VNN1: variants seen among roughly 807,000 people sequenced by gnomAD.
The protein encoded by VNN1 is pantetheinase.
Under a neutral mutation model 41.9 loss-of-function variants are expected in VNN1, and 29 were observed. That is an observed-to-expected ratio of 0.69 (90% CI 0.52 to 0.94). The LOEUF (loss-of-function observed/expected upper bound fraction) is 0.94. Among genes scored for constraint, VNN1 ranks in the 40% least tolerant of loss-of-function variants. The pLI, the probability that VNN1 is intolerant of heterozygous loss-of-function variation, is 0.00. For synonymous variants in VNN1, 233 were observed against 224.4 expected (o/e 1.04, Z -0.34); for missense variants, 637 against 621.1 (o/e 1.03, Z -0.27).
chr6:132,703,538 A>C (rs528068248), intron 2 of VNN1, among the ~76,000 whole-genome samples: 5 of 152,178 alleles, frequency 3.3e-5, no homozygotes, highest in East Asian at 1.9e-4. Flanking sequence ...CATAACATCA[A>C]ATCAAAAAAC....
chr6:132,700,483 G>T (rs1778435792), intron 2 of VNN1, among the ~76,000 whole-genome samples: 1 of 152,086 alleles, frequency 6.6e-6, no homozygotes, highest in Non-Finnish European at 1.5e-5. Flanking sequence ...AGAAACTGCT[G>T]GGCCACCCAC....
intron 5 of VNN1, among the ~76,000 whole-genome samples, chr6:132,687,506 C>T (rs1035886375): frequency 6.6e-6 from 1 of 152,136 alleles, no homozygotes; most frequent in South Asian, 2.1e-4. Flanking sequence ...TGACTCCTAT[C>T]GTATACAAGG....
intron 5 of VNN1, among the ~76,000 whole-genome samples, chr6:132,689,243 C>T (rs1778248046): frequency 6.6e-6 from 1 of 151,968 alleles, no homozygotes; most frequent in Non-Finnish European, 1.5e-5. Flanking sequence ...CCTACAAAGG[C>T]AATCAAGGCT....
chr6:132,690,616 AC>A (rs1344001519), intron 5 of VNN1, among the ~76,000 whole-genome samples: 1 of 152,244 alleles, frequency 6.6e-6, no homozygotes, highest in Non-Finnish European at 1.5e-5. Flanking sequence ...TTTCTCCATT[AC>A]TAAAGACTGA....
chr6:132,696,207 G>A (rs180862824), intron 2 of VNN1, among the ~76,000 whole-genome samples: 18 of 152,228 alleles, frequency 1.2e-4, no homozygotes, highest in Admixed American at 1.2e-3. Flanking sequence ...TTTTATAGGA[G>A]GATTCGAAGA....
At chr6:132,692,937 G>C in intron 4 of VNN1, 87 bp downstream of exon 4, 1 of 1,378,322 alleles carries the variant, frequency 7.3e-7, no homozygotes. Context: ...TTGTATTAAG[G>C]AGTATGCGTT....
intron 2 of VNN1, among the ~76,000 whole-genome samples, chr6:132,697,838 A>G (rs563387858): frequency 3.3e-5 from 5 of 152,362 alleles, no homozygotes; most frequent in Admixed American, 6.5e-5. Context: ...CCTTTGCTTC[A>G]ATTGATATCT....
At chr6:132,689,934 G>A (rs780517057) in intron 5 of VNN1, among the ~76,000 whole-genome samples, 22 of 152,110 alleles carry the variant, frequency 1.4e-4, no homozygotes, top group Admixed American at 4.6e-4. Context: ...CTCCTGATCT[G>A]TCAGATGCAT....
At chr6:132,712,532 C>A (rs1778617396) in intron 1 of VNN1, among the ~76,000 whole-genome samples, 1 of 152,132 alleles carries the variant, frequency 6.6e-6, no homozygotes, top group African/African-American at 2.4e-5. Context: ...TATCCTGGAA[C>A]CAAGCCTCTC....
chr6:132,693,881 C>T lies in VNN1; in HGVS notation c.534+109G>A, dbSNP rs1778329189. On this transcript the variant is annotated intron_variant, in intron 3 of 6. Coordinates refer to ENST00000367928, the MANE Select transcript of VNN1 (RefSeq NM_004666.3). Reference sequence around the variant, plus strand: ...TATCATTACTTTCTATGCTTTGCCCCTACTCGATTTCTAAAGTGTGCTTAT... The same window carrying T: ...TATCATTACTTTCTATGCTTTGCCCTTACTCGATTTCTAAAGTGTGCTTAT... The T allele has an allele frequency of 3.1e-6, 4 of 1,295,326 alleles. No individual in the cohort carries two copies. The African/African-American group carries it at 4.4e-5, about 14-fold the overall frequency. The allele number at this position is 1,295,326 out of a possible 1,614,324, so 80.2% of individuals were successfully genotyped here.
At position 132,684,522 on chromosome 6, in the gene VNN1, A is replaced by G; in HGVS notation, c.1189-17T>C. On this transcript the variant is annotated splice_polypyrimidine_tract_variant and intron_variant, in intron 5 of 6. Transcript: ENST00000367928. ...GGTACAAATCTAGGGAAGTCATGAA[A>G]ACCAGTAAGTCATAAGAAAGTCATG... 6.2e-7 allele frequency: 1 copy of G among 1,613,286 alleles called. No individual in the cohort carries two copies. The highest frequency in any genetic ancestry group is 1.1e-5 in the South Asian group (1 of 91,032).
At chr6:132,683,658 G>A (rs561373514) in intron 6 of VNN1, among the ~76,000 whole-genome samples, 1 of 152,256 alleles carries the variant, frequency 6.6e-6, no homozygotes. Context: ...ACAATGGCCC[G>A]AAGCAATTGA....
rs966504648 is a variant in VNN1 at position 132,681,550 on chromosome 6, C to T, written c.*1590G>A. ...TTCATTACACCACAAGGGAGACCTA[C>T]TATAGTTGACAACGTTGAGCAAAAA... is the stretch of plus-strand genomic sequence containing the variant. On this transcript the variant is annotated 3_prime_UTR_variant, in exon 7 of 7. Transcript: ENST00000367928. 2.0e-5 allele frequency: 3 copies of T among 152,200 alleles called. No homozygotes were observed. The South Asian group carries it at 6.2e-4, about 31-fold the overall frequency. The allele number at this position is 152,200 out of a possible 1,614,324, so 9.4% of individuals were successfully genotyped here.
intron 5 of VNN1, among the ~76,000 whole-genome samples, chr6:132,685,972 A>G (rs1411410583): frequency 6.6e-6 from 1 of 150,996 alleles, no homozygotes; most frequent in East Asian, 2.0e-4. Flanking sequence ...TTGCAAGGCC[A>G]TTTTCCTCAC....
intron 2 of VNN1, among the ~76,000 whole-genome samples, chr6:132,705,396 A>G (rs12662444): frequency 0.045 from 6,924 of 152,316 alleles, 356 homozygotes; most frequent in South Asian, 0.14. Context: ...GTGGCACATC[A>G]TATCAACAGA....
chr6:132,692,251 T>C lies in VNN1; in HGVS notation c.1160A>G (p.His387Arg), dbSNP rs150060408. 1 of 1,606,106 alleles carries C rather than the reference T, an allele frequency of 6.2e-7. No homozygotes were observed. Among genetic ancestry groups the C allele is most frequent in the African/African-American group, 1.3e-5 (1 of 74,768 alleles). The change falls in exon 5 of 7, where the codon CAC becomes CGC. Residue 387 changes from histidine to arginine, a missense_variant. His to Arg is a conservative substitution (Grantham distance 29). Coordinates refer to ENST00000367928, the MANE Select transcript of VNN1 (RefSeq NM_004666.3). ...TAGATAATAGCGCCCTTCCACAGTG[T>C]GCAGTCCGTCAAATGCCCCTAGAGC... ...VYALGAFDGLHTVEGRYYLQI... is the reference protein window; with the variant it reads ...VYALGAFDGLRTVEGRYYLQI...
Position 132,693,195 on chromosome 6 carries a change from G to GATCATGGA in VNN1, c.647_654dup (p.Pro219SerfsTer9). 1 of 1,614,126 alleles carries GATCATGGA rather than the reference G, an allele frequency of 6.2e-7. No homozygotes were observed. The highest frequency in any genetic ancestry group is 8.5e-7 in the Non-Finnish European group (1 of 1,180,014). On this transcript the variant is annotated frameshift_variant, in exon 4 of 7. Transcript: ENST00000367928. LOFTEE classifies it high-confidence loss of function. ...AAATCTTTCACCAAGGTAACAGCAG[G>GATCATGGA]ATCATGGAAGAGTATATCAAAGCAT...
At chr6:132,703,563 C>CA (rs1245214027) in intron 2 of VNN1, among the ~76,000 whole-genome samples, 2 of 151,774 alleles carry the variant, frequency 1.3e-5, no homozygotes, top group Non-Finnish European at 2.9e-5. Flanking sequence ...AACAGATACA[C>CA]AAAAAATGAA....
intron 2 of VNN1, among the ~76,000 whole-genome samples, chr6:132,700,371 C>T (rs1344597719): frequency 6.6e-6 from 1 of 152,114 alleles, no homozygotes; most frequent in Non-Finnish European, 1.5e-5. Flanking sequence ...CCCTCAGATG[C>T]TGTAAGGTGA....
Sources: gnomAD v4.1 joint callset for allele counts (sites outside exome capture counted in the v4.1 genomes callset) on GRCh38, gnomAD v4.1.1 for gene constraint, MANE v1.5 for transcripts, NCBI Gene and HGNC (gene_info 2026-07-23, HGNC 2026-07-21) for gene names.